Variants in ASB5 observed in about 807,000 individuals in gnomAD.
ASB5 encodes the protein ankyrin repeat and SOCS box containing 5, also known as ankyrin repeat and SOCS box protein 5.
A neutral mutation model predicts 42.1 loss-of-function variants in ASB5; 45 were observed. That is an observed-to-expected ratio of 1.07 (90% confidence interval 0.84 to 1.37). ASB5 has a LOEUF of 1.37. Ranked by LOEUF, ASB5 falls within the 40% of genes most tolerant of loss-of-function variation. The pLI is 0.00. For synonymous variants in ASB5, 147 were observed against 150.6 expected (o/e 0.98, Z 0.18); for missense variants, 402 against 399.8 (o/e 1.01, Z -0.05).
intron 1 of ASB5, among the ~76,000 whole-genome samples, chr4:176,235,980 A>T (rs79178302): frequency 0.084 from 12,753 of 152,086 alleles, 572 homozygotes; most frequent in Middle Eastern, 0.12. Context: ...CTTCTGAGTC[A>T]CTGGAATAAC....
chr4:176,236,019 A>G (rs1048435533), intron 1 of ASB5, among the ~76,000 whole-genome samples: 1 of 151,794 alleles, frequency 6.6e-6, no homozygotes, highest in Admixed American at 6.6e-5. Context: ...CTGGCTCTAT[A>G]TTTTCAGTAT....
At chr4:176,219,386 A>G (rs1349033226) in intron 5 of ASB5, among the ~76,000 whole-genome samples, 25 of 87,246 alleles carry the variant, frequency 2.9e-4, no homozygotes, top group African/African-American at 8.7e-4. Context: ...TGATATATAA[A>G]TATATATATT....
chr4:176,257,464 A>T (rs918118693), intron 1 of ASB5, among the ~76,000 whole-genome samples: 1 of 152,128 alleles, frequency 6.6e-6, no homozygotes, highest in Non-Finnish European at 1.5e-5. Context: ...CAACCTTAAC[A>T]TTCTGCCTAG....
upstream of ASB5, among the ~76,000 whole-genome samples, chr4:176,272,923 T>C (rs1754495432): frequency 6.6e-6 from 1 of 150,736 alleles, no homozygotes. Context: ...GGAAATATAG[T>C]GACCCACCTT....
At chr4:176,264,635 C>G (rs888117098) in intron 1 of ASB5, among the ~76,000 whole-genome samples, 25 of 152,164 alleles carry the variant, frequency 1.6e-4, no homozygotes, top group African/African-American at 5.8e-4. Flanking sequence ...ATGTAACCTA[C>G]CAGACTCACC....
At chr4:176,267,544 G>A in intron 1 of ASB5, among the ~76,000 whole-genome samples, 1 of 152,004 alleles carries the variant, frequency 6.6e-6, no homozygotes, top group Middle Eastern at 3.2e-3. Context: ...GAGCCTAGGA[G>A]TTCAAGGATG....
intron 1 of ASB5, among the ~76,000 whole-genome samples, chr4:176,276,667 A>AT (rs1195131758): frequency 6.6e-6 from 1 of 152,230 alleles, no homozygotes; most frequent in African/African-American, 2.4e-5. Context: ...CCACACTGGC[A>AT]TCCATGGCTC....
At chr4:176,261,250 A>C (rs1754263422) in intron 1 of ASB5, among the ~76,000 whole-genome samples, 1 of 152,206 alleles carries the variant, frequency 6.6e-6, no homozygotes, top group East Asian at 1.9e-4. Context: ...GAGGTATTCC[A>C]TCTTCTCTGA....
intron 1 of ASB5, among the ~76,000 whole-genome samples, chr4:176,247,620 C>G (rs1336581067): frequency 6.6e-6 from 1 of 152,078 alleles, no homozygotes; most frequent in East Asian, 1.9e-4. Flanking sequence ...TATAATTGAC[C>G]ATGCATTTGG....
chr4:176,216,027 A>G (rs1752959202), intron 6 of ASB5, among the ~76,000 whole-genome samples: 2 of 152,160 alleles, frequency 1.3e-5, no homozygotes, highest in African/African-American at 2.4e-5. Flanking sequence ...ATATAAATCA[A>G]AAGTCCTGAG....
At chr4:176,222,854 T>A (rs1753260520) in intron 2 of ASB5, among the ~76,000 whole-genome samples, 1 of 152,160 alleles carries the variant, frequency 6.6e-6, no homozygotes, top group Non-Finnish European at 1.5e-5. Context: ...CTCGGCTCAC[T>A]GCAAGCTCCG....
At chr4:176,217,039 T>C in intron 5 of ASB5, 30 bp from the exon 6 acceptor site, 3 of 1,527,578 alleles carry the variant, frequency 2.0e-6, no homozygotes, top group Non-Finnish European at 2.6e-6. Context: ...AAGATAAATA[T>C]AAATAAAAGT....
Position 176,215,700 on chromosome 4 carries a change from C to T in ASB5, c.890G>A (p.Cys297Tyr). ...EATPSSLYQLCRLCIRSYIGK... is the reference protein window; with the variant it reads ...EATPSSLYQLYRLCIRSYIGK... Reference sequence around the variant, plus strand: ...TATGTAGCTTCGGATACAGAGTCGGCAAAGTTGGTAAAGAGAGCTTGGGGT... The same window carrying T: ...TATGTAGCTTCGGATACAGAGTCGGTAAAGTTGGTAAAGAGAGCTTGGGGT... Residue 297 changes from cysteine (C) to tyrosine (Y), a missense_variant, in exon 7 of 7, where the codon TGC (cysteine) becomes TAC (tyrosine). Cys to Tyr is a radical substitution (Grantham distance 194, BLOSUM62 -2). Transcript: ENST00000296525. 1 of 1,612,492 alleles carries T rather than the reference C, an allele frequency of 6.2e-7. No homozygotes were observed.
chr4:176,244,868 G>A (rs1753878931), intron 1 of ASB5, among the ~76,000 whole-genome samples: 1 of 152,114 alleles, frequency 6.6e-6, no homozygotes, highest in Admixed American at 6.6e-5. Flanking sequence ...AGGTTCAAGT[G>A]GGGAGGATCA....
At chr4:176,221,358 C>T (rs950477105) in intron 4 of ASB5, 69 bp from the exon 5 acceptor site, 2 of 1,598,080 alleles carry the variant, frequency 1.3e-6, no homozygotes, top group Non-Finnish European at 8.5e-7. Context: ...CCAGGCTTCC[C>T]TTGTGGTGTC....
At chr4:176,219,266 T>C (rs1753099739) in intron 5 of ASB5, among the ~76,000 whole-genome samples, 1 of 115,022 alleles carries the variant, frequency 8.7e-6, no homozygotes, top group South Asian at 2.6e-4. Context: ...TATATAAATA[T>C]ATATTTGTAT....
At chr4:176,262,675 G>A (rs1427565699) in intron 1 of ASB5, among the ~76,000 whole-genome samples, 1 of 152,108 alleles carries the variant, frequency 6.6e-6, no homozygotes, top group East Asian at 1.9e-4. Flanking sequence ...GTACACTGTT[G>A]GGAAAGACAG....
chr4:176,275,140 C>A (rs1470619750), intron 2 of ASB5, among the ~76,000 whole-genome samples: 1 of 152,066 alleles, frequency 6.6e-6, no homozygotes, highest in Non-Finnish European at 1.5e-5. Context: ...GTCTTGAACT[C>A]CTGACCTCAG....
At chr4:176,237,988 G>T (rs2014312) in intron 1 of ASB5, among the ~76,000 whole-genome samples, 3 of 152,030 alleles carry the variant, frequency 2.0e-5, no homozygotes, top group Non-Finnish European at 4.4e-5. Flanking sequence ...TTGGGAGGCC[G>T]AGGCAGGCAG....
Sources: gnomAD v4.1 joint callset for allele counts (sites outside exome capture counted in the v4.1 genomes callset) on GRCh38, gnomAD v4.1.1 for gene constraint, MANE v1.5 for transcripts, NCBI Gene and HGNC (gene_info 2026-07-23, HGNC 2026-07-21) for gene names.